The following PRR11 variants were observed in gnomAD, a reference collection of about 807,000 sequenced individuals.
The protein encoded by PRR11 is proline-rich protein 11.
PRR11 carries 30 observed loss-of-function variants against 45.6 expected under a neutral mutation model. That is an observed-to-expected ratio of 0.66 (90% CI 0.49 to 0.89). The LOEUF (loss-of-function observed/expected upper bound fraction) is 0.89, where lower values mean the gene tolerates loss of function less well. PRR11 is among the 40% of genes least tolerant of loss of function. PRR11 has a pLI of 0.00. For missense variants in PRR11, 373 were observed against 424.8 expected (o/e 0.88, Z 1.07); for synonymous variants, 128 against 153.5 (o/e 0.83, Z 1.23).
intron 2 of PRR11, among the ~76,000 whole-genome samples, chr17:59,172,819 C>T (rs2147839465): frequency 6.6e-6 from 1 of 152,356 alleles, no homozygotes; most frequent in South Asian, 2.1e-4. Context: ...ATGGTGGGCC[C>T]CTGCACCACC....
At chr17:59,193,385 A>G in intron 4 of PRR11, 107 bp from the exon 5 acceptor site, 2 of 1,332,092 alleles carry the variant, frequency 1.5e-6, no homozygotes, top group Non-Finnish European at 2.1e-6. Context: ...AGCACATGGT[A>G]CGCTGAGAAA....
chr17:59,178,586 G>A (rs2046762416), intron 2 of PRR11: 3 of 523,322 alleles, frequency 5.7e-6, no homozygotes, highest in South Asian at 4.1e-5. Context: ...TTCCGTGGGA[G>A]CAGCAGGGCA....
chr17:59,187,132 C>T (rs1325891647), intron 4 of PRR11, among the ~76,000 whole-genome samples: 1 of 152,080 alleles, frequency 6.6e-6, no homozygotes, highest in East Asian at 1.9e-4. Flanking sequence ...TCACTTGAAC[C>T]CGGAAAGTGG....
At chr17:59,172,122 A>G (rs2046712242) in intron 2 of PRR11, among the ~76,000 whole-genome samples, 1 of 152,216 alleles carries the variant, frequency 6.6e-6, no homozygotes, top group Admixed American at 6.5e-5. Flanking sequence ...TATCTGTTAC[A>G]GTCTATGGCA....
At chr17:59,166,964 C>T (rs1388496581) in intron 1 of PRR11, among the ~76,000 whole-genome samples, 2 of 152,106 alleles carry the variant, frequency 1.3e-5, no homozygotes, top group Admixed American at 1.3e-4. Context: ...GAGATCGAGA[C>T]GATCCTGGCT....
At chr17:59,160,942 G>C (rs1436703103) in intron 1 of PRR11, 1 of 149,162 alleles carries the variant, frequency 6.7e-6, no homozygotes, top group East Asian at 2.0e-4. Context: ...TCACTGTGTT[G>C]CCCAGAGTGG....
chr17:59,186,554 C>T (rs570936546), intron 4 of PRR11, among the ~76,000 whole-genome samples: 32 of 151,222 alleles, frequency 2.1e-4, no homozygotes, highest in African/African-American at 7.5e-4. Flanking sequence ...GCCACCTGCC[C>T]GGCAAATTTT....
At chr17:59,172,365 C>G (rs1257973338) in intron 2 of PRR11, among the ~76,000 whole-genome samples, 2 of 152,256 alleles carry the variant, frequency 1.3e-5, no homozygotes, top group Non-Finnish European at 2.9e-5. Context: ...GAGGTGACAG[C>G]GTGCTGGCAG....
At chr17:59,181,210 G>T (rs184519827) in intron 2 of PRR11, among the ~76,000 whole-genome samples, 9 of 150,740 alleles carry the variant, frequency 6.0e-5, no homozygotes, top group African/African-American at 1.7e-4. Context: ...GGATGGTCTC[G>T]ATCTCCTGAC....
At chr17:59,198,400 G>T (rs2046876814) in intron 9 of PRR11, among the ~76,000 whole-genome samples, 1 of 151,964 alleles carries the variant, frequency 6.6e-6, no homozygotes. Flanking sequence ...AAATGGCCGG[G>T]CACGGTGGCT....
chr17:59,173,494 G>A (rs1222768433), intron 2 of PRR11, among the ~76,000 whole-genome samples: 2 of 152,142 alleles, frequency 1.3e-5, no homozygotes, highest in East Asian at 1.9e-4. Context: ...GTGAGACCAC[G>A]AACCCACCGG....
At chr17:59,169,681 A>C in intron 1 of PRR11, 67 bp from the exon 2 acceptor site, 1 of 1,353,724 alleles carries the variant, frequency 7.4e-7, no homozygotes, top group Non-Finnish European at 9.9e-7. Flanking sequence ...TATACACTTA[A>C]GATTTGTGTA....
At chr17:59,188,214 A>G (rs1478571915) in intron 4 of PRR11, among the ~76,000 whole-genome samples, 1 of 152,172 alleles carries the variant, frequency 6.6e-6, no homozygotes, top group Non-Finnish European at 1.5e-5. Context: ...CACACAAAAA[A>G]CAGAAATGCA....
chr17:59,195,449 G>T lies in PRR11; in HGVS notation c.857+6G>T. On this transcript the variant is annotated splice_donor_region_variant and intron_variant, in intron 7 of 9. Coordinates refer to ENST00000262293, the MANE Select transcript of PRR11 (RefSeq NM_018304.4). ...CGAGTTACAAACGTCTTAATGTAAG[G>T]AACTGCACAGTACTATGCTCTACTA... 6.5e-7 allele frequency: 1 copy of T among 1,532,860 alleles called. No individual in the cohort carries two copies. The highest frequency in any genetic ancestry group is 9.0e-7 in the Non-Finnish European group (1 of 1,106,726). The allele number at this position is 1,532,860 out of a possible 1,614,324, so 95.0% of individuals were successfully genotyped here.
chr17:59,168,884 ATTC>A (rs2046692563), intron 1 of PRR11, among the ~76,000 whole-genome samples: 1 of 152,100 alleles, frequency 6.6e-6, no homozygotes, highest in Non-Finnish European at 1.5e-5. Flanking sequence ...TCCTCAGTTT[ATTC>A]TTCTGTAAAA....
intron 2 of PRR11, chr17:59,174,934 C>T: frequency 3.0e-6 from 3 of 1,011,788 alleles, no homozygotes; most frequent in Non-Finnish European, 4.5e-6. Context: ...TCCCCACCTC[C>T]TCCACCTACC....
At chr17:59,172,384 C>T (rs1300705173) in intron 2 of PRR11, among the ~76,000 whole-genome samples, 3 of 152,248 alleles carry the variant, frequency 2.0e-5, no homozygotes, top group Non-Finnish European at 2.9e-5. Flanking sequence ...AGCCCTCGCT[C>T]GCTTTCCGTG....
At position 59,180,981 on chromosome 17, in the gene PRR11, CTTTTTTTGTTG is replaced by C. The variant is rs2046782193; in HGVS notation, c.129-4062_129-4052del. On this transcript the variant is annotated intron_variant, in intron 2 of 9. Transcript: ENST00000262293. Reference sequence around the variant, plus strand: ...AGCACCTGTCCCGAAACCAAACTTTCTTTTTTTGTTGTTTTTTTGTTTTTTTGAGACAGAGT... The same window carrying C: ...AGCACCTGTCCCGAAACCAAACTTTCTTTTTTTGTTTTTTTGAGACAGAGT... Among the ~76,000 whole-genome samples, 2 of 151,332 alleles carry C rather than the reference CTTTTTTTGTTG, an allele frequency of 1.3e-5. 1 individual carries two copies. The highest frequency in any genetic ancestry group is 4.9e-5 in the African/African-American group (2 of 40,894).
At chr17:59,161,065 TGATTTTTCAGATTATTTGA>T (rs1240899719) in intron 1 of PRR11, among the ~76,000 whole-genome samples, 1 of 152,048 alleles carries the variant, frequency 6.6e-6, no homozygotes, top group East Asian at 1.9e-4. Context: ...ATGTTTCTAA[TGATTTTTCAGATTATTTGA>T]GAAAGCAGTG....
Sources: allele counts gnomAD v4.1 joint callset (sites outside exome capture counted in the v4.1 genomes callset), GRCh38; gene constraint gnomAD v4.1.1; transcripts MANE v1.5; gene names NCBI Gene and HGNC (gene_info 2026-07-23, HGNC 2026-07-21).